The following EEFSEC variants were observed in gnomAD, a reference collection of about 807,000 sequenced individuals.
EEFSEC encodes the protein eukaryotic elongation factor, selenocysteine-tRNA specific.
Under a neutral mutation model 42.1 loss-of-function variants are expected in EEFSEC, and 43 were observed. That is an observed-to-expected ratio of 1.02 (90% CI 0.80 to 1.32). The LOEUF is 1.32. Ranked by LOEUF, EEFSEC falls within the 40% of genes most tolerant of loss-of-function variation. The pLI, the probability that EEFSEC is intolerant of heterozygous loss-of-function variation, is 0.00. For missense variants in EEFSEC, 745 were observed against 803.6 expected, an observed-to-expected ratio of 0.93 and a Z score of 0.88; for synonymous variants, 354 against 339.1, an observed-to-expected ratio of 1.04 and a Z score of -0.48.
At chr3:128,374,376 A>G (rs2067687346) in intron 6 of EEFSEC, among the ~76,000 whole-genome samples, 1 of 152,010 alleles carries the variant, frequency 6.6e-6, no homozygotes, top group African/African-American at 2.4e-5. Flanking sequence ...GGTACCTACA[A>G]TTTTTCCCAC....
downstream of EEFSEC, among the ~76,000 whole-genome samples, chr3:128,413,614 G>A (rs866311553): frequency 4.6e-5 from 7 of 152,256 alleles, no homozygotes; most frequent in East Asian, 1.2e-3. Flanking sequence ...CTCCCCCCAC[G>A]TTATCACTGG....
chr3:128,310,069 A>C (rs982568940), intron 4 of EEFSEC, among the ~76,000 whole-genome samples: 1 of 152,246 alleles, frequency 6.6e-6, no homozygotes, highest in Non-Finnish European at 1.5e-5. Flanking sequence ...AACAGAACCA[A>C]AGGCAGGTGC....
At chr3:128,176,148 A>T (rs552581464) in intron 1 of EEFSEC, among the ~76,000 whole-genome samples, 1 of 152,196 alleles carries the variant, frequency 6.6e-6, no homozygotes, top group East Asian at 1.9e-4. Context: ...ATACGACTTC[A>T]TATAAAAATA....
intron 6 of EEFSEC, among the ~76,000 whole-genome samples, chr3:128,366,152 CTTCAGTGG>C (rs2067587725): frequency 6.6e-6 from 1 of 152,220 alleles, no homozygotes; most frequent in African/African-American, 2.4e-5. Flanking sequence ...GGACACACCC[CTTCAGTGG>C]TTTTGGGGGA....
In EEFSEC at chr3:128,176,611, T is replaced by A. The variant is rs143126102; in HGVS notation, c.316+22788T>A. On this transcript the variant is annotated intron_variant, in intron 1 of 6. Transcript: ENST00000254730. Reference sequence around the variant, plus strand: ...TCTCTTGAAATAATTTATGCATTAATACTAAAGGAAAAAAATGCATAGAAC... The same window carrying A: ...TCTCTTGAAATAATTTATGCATTAAAACTAAAGGAAAAAAATGCATAGAAC... Among the ~76,000 whole-genome samples, 125 of 152,266 alleles carry A rather than the reference T, an allele frequency of 8.2e-4. 3 individuals are homozygous for A. In the East Asian group the frequency reaches 0.023, roughly 28 times the overall value.
chr3:128,197,463 G>GAAA (rs2065597053), intron 1 of EEFSEC, among the ~76,000 whole-genome samples: 2 of 152,136 alleles, frequency 1.3e-5, no homozygotes, highest in Non-Finnish European at 2.9e-5. Context: ...AGTAGAGACA[G>GAAA]GGTTTCACCA....
intron 1 of EEFSEC, among the ~76,000 whole-genome samples, chr3:128,173,908 A>G (rs1401753572): frequency 1.3e-5 from 2 of 152,218 alleles, no homozygotes; most frequent in African/African-American, 4.8e-5. Flanking sequence ...TTGTGTGTAC[A>G]GTGGCAGAGT....
intron 1 of EEFSEC, among the ~76,000 whole-genome samples, chr3:128,183,903 A>T (rs1005673795): frequency 1.3e-5 from 2 of 152,128 alleles, no homozygotes; most frequent in African/African-American, 2.4e-5. Context: ...TTGTGTTCTG[A>T]GGTTTAGTGT....
chr3:128,175,476 A>G (rs2065339189), intron 1 of EEFSEC, among the ~76,000 whole-genome samples: 1 of 152,114 alleles, frequency 6.6e-6, no homozygotes, highest in Non-Finnish European at 1.5e-5. Flanking sequence ...TGTGGGGAAG[A>G]CGAGCGTAGG....
rs556764016 is a variant in EEFSEC, at chr3:128,398,399, T to C, written c.1601-9670T>C. On this transcript the variant is annotated intron_variant, in intron 6 of 6. Coordinates refer to ENST00000254730, the MANE Select transcript of EEFSEC (RefSeq NM_021937.5). ...GGAAGAGGAATGTGTGGTAAGGATG[T>C]GCAGGGCTGTAGGGGCAGCTTCTGA... is the stretch of plus-strand genomic sequence containing the variant. Among the ~76,000 whole-genome samples, 7 of 152,256 alleles carry C rather than the reference T, an allele frequency of 4.6e-5. No homozygotes were observed. In the South Asian group the frequency reaches 1.5e-3, roughly 32 times the overall value.
chr3:128,190,459 TAAAG>T (rs1321821939), intron 1 of EEFSEC, among the ~76,000 whole-genome samples: 2 of 152,204 alleles, frequency 1.3e-5, no homozygotes, highest in Non-Finnish European at 2.9e-5. Flanking sequence ...AATAAGGATA[TAAAG>T]AAAGAAAATA....
At chr3:128,282,192 G>T (rs1049844392) in intron 4 of EEFSEC, among the ~76,000 whole-genome samples, 1 of 152,236 alleles carries the variant, frequency 6.6e-6, no homozygotes, top group African/African-American at 2.4e-5. Flanking sequence ...CCCCGACTTG[G>T]TCTAACCCTG....
chr3:128,171,404 A>G (rs1320937202), intron 1 of EEFSEC, among the ~76,000 whole-genome samples: 1 of 152,210 alleles, frequency 6.6e-6, no homozygotes, highest in African/African-American at 2.4e-5. Flanking sequence ...ACAATGGCAG[A>G]GGTTAAAAAG....
chr3:128,168,584 C>A (rs577647620), intron 1 of EEFSEC, among the ~76,000 whole-genome samples: 1 of 152,250 alleles, frequency 6.6e-6, no homozygotes, highest in African/African-American at 2.4e-5. Flanking sequence ...AGGTCACTCA[C>A]CTCCATCAGC....
chr3:128,276,503 C>T (rs541488321), intron 4 of EEFSEC, among the ~76,000 whole-genome samples: 8 of 152,234 alleles, frequency 5.3e-5, no homozygotes, highest in Admixed American at 4.6e-4. Flanking sequence ...CTTCCTTATC[C>T]GCAAAACATG....
chr3:128,395,139 T>C (rs1234815263), intron 6 of EEFSEC, among the ~76,000 whole-genome samples: 3 of 152,120 alleles, frequency 2.0e-5, no homozygotes, highest in Non-Finnish European at 4.4e-5. Flanking sequence ...ATTAGACACG[T>C]CCCCAGCATC....
intron 4 of EEFSEC, among the ~76,000 whole-genome samples, chr3:128,283,002 C>T (rs994918984): frequency 7.9e-5 from 12 of 152,348 alleles, no homozygotes; most frequent in East Asian, 1.9e-4. Context: ...CTTGGGAACA[C>T]GGTTGGGTGC....
chr3:128,391,274 A>G lies in EEFSEC; in HGVS notation c.1601-16795A>G, dbSNP rs745783433. On this transcript the variant is annotated intron_variant, in intron 6 of 6. Coordinates refer to ENST00000254730, the MANE Select transcript of EEFSEC (RefSeq NM_021937.5). Reference sequence around the variant, plus strand: ...GGCTGGTGCTGTGCTCATTAATTCCAAAAGGCAAGAAACGAAATGGTCTCC... The same window carrying G: ...GGCTGGTGCTGTGCTCATTAATTCCGAAAGGCAAGAAACGAAATGGTCTCC... 1.6e-4 allele frequency among the ~76,000 whole-genome samples: 25 copies of G among 152,242 alleles called. 1 individual carries two copies. The highest frequency in any genetic ancestry group is 3.1e-4 in the Non-Finnish European group (21 of 68,044).
chr3:128,389,738 GC>G (rs1371933732), intron 6 of EEFSEC, among the ~76,000 whole-genome samples: 11 of 152,278 alleles, frequency 7.2e-5, no homozygotes, highest in Admixed American at 7.2e-4. Context: ...GGAAAGGGAG[GC>G]CTTGGCTTAA....
Sources: gnomAD v4.1 joint callset for allele counts (sites outside exome capture counted in the v4.1 genomes callset) on GRCh38, gnomAD v4.1.1 for gene constraint, MANE v1.5 for transcripts, NCBI Gene and HGNC (gene_info 2026-07-23, HGNC 2026-07-21) for gene names.